L3MBTL1: variants seen among roughly 807,000 people sequenced by gnomAD.
L3MBTL1 encodes the protein lethal(3)malignant brain tumor-like protein 1.
L3MBTL1 carries 75 observed loss-of-function variants against 105.3 expected under a neutral mutation model. The observed-to-expected ratio is 0.71, with a 90% CI of 0.59 to 0.86. The LOEUF is 0.86. Ranked by LOEUF, L3MBTL1 falls within the 40% of genes least tolerant of loss-of-function variation. The pLI, the probability that L3MBTL1 is intolerant of heterozygous loss-of-function variation, is 0.00. For missense variants in L3MBTL1, 1,069 were observed against 1,126.4 expected, an observed-to-expected ratio of 0.95 and a Z score of 0.73; for synonymous variants, 452 against 436.2, an observed-to-expected ratio of 1.04 and a Z score of -0.45.
At position 43,541,406 on chromosome 20, in the gene L3MBTL1, C is replaced by T. The variant is rs1411503541; in HGVS notation, c.*278C>T. 4 of 403,072 alleles carry T rather than the reference C, an allele frequency of 9.9e-6. No individual in the cohort carries two copies. Among genetic ancestry groups the T allele is most frequent in the African/African-American group, 2.0e-5 (1 of 49,662 alleles). 25.0% of individuals were successfully genotyped at this position (403,072 alleles called of 1,614,324 possible). On this transcript the variant is annotated 3_prime_UTR_variant, in exon 22 of 22. Coordinates refer to ENST00000418998, the MANE Select transcript of L3MBTL1 (RefSeq NM_001377303.1). ...TTTAATGAGGTCTACCTTGCAGAGC[C>T]ATTGTGAGCATTGGAAATGATGAAT...
chr20:43,517,491 C>T (rs2018463036), intron 7 of L3MBTL1, among the ~76,000 whole-genome samples: 1 of 152,178 alleles, frequency 6.6e-6, no homozygotes, highest in South Asian at 2.1e-4. Flanking sequence ...CAGCCTGGGA[C>T]TCCTGGGCTC....
intron 1 of L3MBTL1, among the ~76,000 whole-genome samples, chr20:43,509,416 G>A (rs944316547): frequency 6.6e-6 from 1 of 152,164 alleles, no homozygotes; most frequent in Non-Finnish European, 1.5e-5. Flanking sequence ...TGTTGAGGCT[G>A]AGGCCTCACT....
chr20:43,528,793 G>GGGACC, intron 8 of L3MBTL1, 48 bp downstream of exon 8: 1 of 1,425,706 alleles, frequency 7.0e-7, no homozygotes, highest in Non-Finnish European at 9.9e-7. Context: ...TCCTAGCCTA[G>GGGACC]GGACACACCA....
chr20:43,514,387 C>G (rs552478964), intron 3 of L3MBTL1: 1 of 1,410,806 alleles, frequency 7.1e-7, no homozygotes, highest in East Asian at 2.5e-5. Context: ...TGGGACTGGG[C>G]CTGTGGGAGC....
At chr20:43,508,392 C>T (rs2018043168) in intron 1 of L3MBTL1, among the ~76,000 whole-genome samples, 2 of 152,248 alleles carry the variant, frequency 1.3e-5, no homozygotes, top group East Asian at 1.9e-4. Flanking sequence ...CTCCCGAGTC[C>T]GGGAAGCAGC....
chr20:43,532,380 C>T (rs6093851), intron 11 of L3MBTL1: 2,886 of 187,800 alleles, frequency 0.015, 89 homozygotes, highest in African/African-American at 0.064. Flanking sequence ...CTGTCTGCCT[C>T]TATGCCATAG....
At chr20:43,527,659 A>G (rs573542269) in intron 7 of L3MBTL1, among the ~76,000 whole-genome samples, 1 of 152,188 alleles carries the variant, frequency 6.6e-6, no homozygotes, top group Admixed American at 6.5e-5. Context: ...CATCAAGCAC[A>G]CATATACACA....
chr20:43,527,734 T>G (rs2019107570), intron 7 of L3MBTL1, among the ~76,000 whole-genome samples: 1 of 152,028 alleles, frequency 6.6e-6, no homozygotes, highest in Non-Finnish European at 1.5e-5. Flanking sequence ...TTTTTTTTTT[T>G]TTTGAGACAG....
downstream of L3MBTL1, among the ~76,000 whole-genome samples, chr20:43,543,495 TGG>T (rs1978360748): frequency 6.6e-6 from 1 of 152,210 alleles, no homozygotes; most frequent in South Asian, 2.1e-4. Flanking sequence ...TGGTTCAGCA[TGG>T]TCTGTGATAT....
At chr20:43,519,736 G>T (rs986242145) in intron 7 of L3MBTL1, among the ~76,000 whole-genome samples, 1 of 152,186 alleles carries the variant, frequency 6.6e-6, no homozygotes, top group Non-Finnish European at 1.5e-5. Context: ...AAACTCCTGG[G>T]CTCAAGGGAT....
intron 6 of L3MBTL1, chr20:43,515,628 T>A: frequency 5.0e-6 from 3 of 599,206 alleles, no homozygotes; most frequent in Non-Finnish European, 8.5e-6. Flanking sequence ...AGAGCTCCCA[T>A]CTCAGTTTAG....
At chr20:43,533,518 G>A in intron 13 of L3MBTL1, 100 bp downstream of exon 13, 1 of 996,870 alleles carries the variant, frequency 1.0e-6, no homozygotes, top group Non-Finnish European at 1.5e-6. Flanking sequence ...GGCTCTCTAG[G>A]GTCAGGGTGA....
exon 19 of L3MBTL1, chr20:43,550,072 T>C (rs553965552): frequency 2.8e-4 from 42 of 152,108 alleles, no homozygotes; most frequent in African/African-American, 9.9e-4. Context: ...ACAGCGAAGG[T>C]TGGGTTTACA....
chr20:43,529,163 C>G, intron 8 of L3MBTL1, 101 bp from the exon 9 acceptor site: 1 of 782,478 alleles, frequency 1.3e-6, no homozygotes, highest in Non-Finnish European at 2.2e-6. Context: ...TTTGGAAATA[C>G]CAGGCGGGTG....
At chr20:43,523,992 CAAAA>C (rs577732076) in intron 7 of L3MBTL1, among the ~76,000 whole-genome samples, 4 of 83,088 alleles carry the variant, frequency 4.8e-5, no homozygotes, top group Admixed American at 1.4e-4. Context: ...GACTCCATCT[CAAAA>C]AAAAAAAAAA....
At chr20:43,548,659 G>C (rs79899793) in exon 19 of L3MBTL1, 2,994 of 153,096 alleles carry the variant, frequency 0.02, 42 homozygotes, top group South Asian at 0.03. Context: ...TTCTCTCCTT[G>C]GCTCCTTTCC....
chr20:43,539,065 G>A (rs1313364301), intron 19 of L3MBTL1: 3 of 152,808 alleles, frequency 2.0e-5, no homozygotes, highest in African/African-American at 7.2e-5. Context: ...GCACAGAAGT[G>A]TGGTTGGTAG....
intron 7 of L3MBTL1, among the ~76,000 whole-genome samples, chr20:43,523,076 CA>C (rs2018821093): frequency 1.3e-5 from 2 of 151,708 alleles, no homozygotes; most frequent in Admixed American, 1.3e-4. Flanking sequence ...CACTGCACTC[CA>C]GCCTGGGTGA....
Position 43,541,274 on chromosome 20 carries a change from T to C in L3MBTL1, c.*146T>C, listed in dbSNP as rs1368694787. ...TAGTGAGTTGTAGATAAAAAAAGAATGTCAGCTTTGGAGACAGTCTGGGTT... is the reference window on the plus strand; with the variant it reads ...TAGTGAGTTGTAGATAAAAAAAGAACGTCAGCTTTGGAGACAGTCTGGGTT... On this transcript the variant is annotated 3_prime_UTR_variant, in exon 22 of 22. Coordinates refer to ENST00000418998, the MANE Select transcript of L3MBTL1 (RefSeq NM_001377303.1). 6 of 1,414,736 alleles carry C rather than the reference T, an allele frequency of 4.2e-6. No homozygotes were observed. The South Asian group carries it at 5.9e-5, about 14-fold the overall frequency. The allele number at this position is 1,414,736 out of a possible 1,614,324, so 87.6% of individuals were successfully genotyped here. A position where few individuals can be genotyped will look rare whatever the true frequency, so the allele number is the denominator to read the frequency against.
Sources: gnomAD v4.1 joint callset for allele counts (sites outside exome capture counted in the v4.1 genomes callset) on GRCh38, gnomAD v4.1.1 for gene constraint, MANE v1.5 for transcripts, NCBI Gene and HGNC (gene_info 2026-07-23, HGNC 2026-07-21) for gene names.